Variants in PDE4D observed in about 807,000 individuals in gnomAD.
The protein encoded by PDE4D is phosphodiesterase 4D.
PDE4D carries 24 observed loss-of-function variants against 87.4 expected under a neutral mutation model. That is an observed-to-expected ratio of 0.27 (90% CI 0.20 to 0.39). The LOEUF (loss-of-function observed/expected upper bound fraction) is 0.39. Ranked by LOEUF, PDE4D falls within the 10% of genes least tolerant of loss-of-function variation. The pLI is 1.00. For synonymous variants in PDE4D, 384 were observed against 383.2 expected (o/e 1.00, Z -0.02); for missense variants, 714 against 1,041.0 (o/e 0.69, Z 4.32).
At chr5:60,101,280 C>T (rs939764998) in intron 2 of PDE4D, among the ~76,000 whole-genome samples, 5 of 152,190 alleles carry the variant, frequency 3.3e-5, no homozygotes, top group African/African-American at 1.2e-4. Context: ...GGAAATCTGA[C>T]TCAACATCTG....
chr5:60,277,786 A>G (rs980429008), intron 1 of PDE4D, among the ~76,000 whole-genome samples: 5 of 152,136 alleles, frequency 3.3e-5, no homozygotes, highest in African/African-American at 9.7e-5. Context: ...TATTTGTTTA[A>G]TGTATCAAAG....
chr5:59,628,666 T>C (rs1271806116), intron 1 of PDE4D, among the ~76,000 whole-genome samples: 1 of 152,050 alleles, frequency 6.6e-6, no homozygotes, highest in Admixed American at 6.6e-5. Context: ...CCTGGCACCA[T>C]GGACTTCAGA....
chr5:60,127,920 C>A (rs1198431952), intron 2 of PDE4D, among the ~76,000 whole-genome samples: 1 of 152,028 alleles, frequency 6.6e-6, no homozygotes, highest in Non-Finnish European at 1.5e-5. Flanking sequence ...GCATTGCCAA[C>A]ACTTAATGGT....
intron 1 of PDE4D, among the ~76,000 whole-genome samples, chr5:60,261,089 C>T (rs946858795): frequency 6.6e-5 from 10 of 152,060 alleles, no homozygotes; most frequent in Admixed American, 6.6e-4. Context: ...AGACTGGAAA[C>T]ATTATTATAT....
intron 1 of PDE4D, among the ~76,000 whole-genome samples, chr5:60,373,880 T>A (rs192634462): frequency 1.2e-4 from 19 of 152,318 alleles, no homozygotes; most frequent in Admixed American, 4.6e-4. Flanking sequence ...TCATGCTGCG[T>A]CACTCTGACA....
intron 5 of PDE4D, among the ~76,000 whole-genome samples, chr5:59,146,408 C>T (rs534564570): frequency 1.3e-5 from 2 of 151,922 alleles, no homozygotes; most frequent in Admixed American, 6.6e-5. Context: ...TTGAAGCATA[C>T]GAATCAATTA....
intron 2 of PDE4D, among the ~76,000 whole-genome samples, chr5:60,032,439 T>A (rs576436204): frequency 6.6e-6 from 1 of 152,328 alleles, no homozygotes; most frequent in South Asian, 2.1e-4. Context: ...CAACACTTTC[T>A]ATTTTCTGAG....
intron 1 of PDE4D, among the ~76,000 whole-genome samples, chr5:59,745,857 T>C (rs998895862): frequency 2.0e-5 from 3 of 152,116 alleles, no homozygotes; most frequent in African/African-American, 7.2e-5. Flanking sequence ...ACAACTAATA[T>C]AAATATGCAA....
chr5:59,142,304 T>G (rs1401962323), intron 5 of PDE4D, among the ~76,000 whole-genome samples: 1 of 152,230 alleles, frequency 6.6e-6, no homozygotes, highest in East Asian at 1.9e-4. Context: ...TTCCTCCCTA[T>G]AGAGTCTCCT....
intron 1 of PDE4D, among the ~76,000 whole-genome samples, chr5:59,565,476 A>G (rs1343773756): frequency 6.6e-6 from 1 of 152,192 alleles, no homozygotes; most frequent in East Asian, 1.9e-4. Flanking sequence ...CCATAACTGC[A>G]CCACTGTACT....
chr5:59,904,433 A>G (rs1752610894), intron 3 of PDE4D, among the ~76,000 whole-genome samples: 1 of 152,184 alleles, frequency 6.6e-6, no homozygotes, highest in Non-Finnish European at 1.5e-5. Context: ...TAGCCATCCA[A>G]GTTTAAATTC....
At chr5:59,102,379 C>T (rs1770905168) in intron 5 of PDE4D, among the ~76,000 whole-genome samples, 1 of 152,134 alleles carries the variant, frequency 6.6e-6, no homozygotes. Flanking sequence ...AGCCATCGCG[C>T]CTGGCCCCTA....
At chr5:59,222,618 A>G (rs1011479299) in intron 1 of PDE4D, among the ~76,000 whole-genome samples, 2 of 152,212 alleles carry the variant, frequency 1.3e-5, no homozygotes, top group Admixed American at 1.3e-4. Flanking sequence ...TGAAGCCAGG[A>G]CCATCTGAAA....
intron 1 of PDE4D, among the ~76,000 whole-genome samples, chr5:60,316,128 GTTC>G (rs1755565502): frequency 6.6e-6 from 1 of 152,158 alleles, no homozygotes; most frequent in Non-Finnish European, 1.5e-5. Context: ...ATTATGGAAT[GTTC>G]TTCTATTTGT....
At chr5:59,390,463 G>A (rs2153607759) in intron 1 of PDE4D, among the ~76,000 whole-genome samples, 1 of 152,240 alleles carries the variant, frequency 6.6e-6, no homozygotes, top group African/African-American at 2.4e-5. Flanking sequence ...GACATTCACA[G>A]AATGTTTACT....
chr5:60,285,036 C>T (rs1441723953), intron 1 of PDE4D, among the ~76,000 whole-genome samples: 2 of 151,990 alleles, frequency 1.3e-5, no homozygotes, highest in African/African-American at 4.8e-5. Flanking sequence ...ACTTGAGAAG[C>T]AATCTAAGAA....
intron 1 of PDE4D, among the ~76,000 whole-genome samples, chr5:59,700,114 G>A (rs962101136): frequency 7.9e-5 from 12 of 152,122 alleles, no homozygotes; most frequent in African/African-American, 2.9e-4. Context: ...ACTCTATCCT[G>A]TTGCCAACTA....
At chr5:59,495,842 G>A (rs1283988129) in intron 1 of PDE4D, among the ~76,000 whole-genome samples, 1 of 152,124 alleles carries the variant, frequency 6.6e-6, no homozygotes, top group African/African-American at 2.4e-5. Context: ...TGTGGGGGTC[G>A]ATCCCACGGC....
chr5:59,756,329 T>C (rs1761209986), intron 1 of PDE4D, among the ~76,000 whole-genome samples: 1 of 152,264 alleles, frequency 6.6e-6, no homozygotes, highest in African/African-American at 2.4e-5. Context: ...CCAAGAATCA[T>C]AGATACATTT....
Sources: allele counts gnomAD v4.1 joint callset (sites outside exome capture counted in the v4.1 genomes callset), GRCh38; gene constraint gnomAD v4.1.1; transcripts MANE v1.5; gene names NCBI Gene and HGNC (gene_info 2026-07-23, HGNC 2026-07-21).